The following SMAD2 variants were observed in gnomAD, a reference collection of about 807,000 sequenced individuals.
SMAD2 encodes MAD homolog 2.
In SMAD2, 8 loss-of-function variants were observed where a neutral mutation model predicts 64.4. The observed-to-expected ratio is 0.12, with a 90% CI of 0.07 to 0.22. The LOEUF is 0.22. SMAD2 is among the 10% of genes least tolerant of loss of function. The pLI, the probability that SMAD2 is intolerant of heterozygous loss-of-function variation, is 1.00. For synonymous variants in SMAD2, 203 were observed against 195.8 expected (o/e 1.04, Z -0.31); for missense variants, 289 against 561.2 (o/e 0.51, Z 4.90).
In SMAD2 at chr18:47,817,171, G is replaced by C. The variant is rs574884195; in HGVS notation, c.*24656C>G. On this transcript the variant is annotated 3_prime_UTR_variant, in exon 11 of 11. Transcript: ENST00000262160. ...TGTTCAGCAGTAGAACCTGAAGTAGGACACATTTCAGAGAGAAGTGGTGAT... is the reference window on the plus strand; with the variant it reads ...TGTTCAGCAGTAGAACCTGAAGTAGCACACATTTCAGAGAGAAGTGGTGAT... 6.8e-4 allele frequency: 103 copies of C among 152,320 alleles called. No individual in the cohort carries two copies. Among genetic ancestry groups the C allele is most frequent in the African/African-American group, 2.5e-3 (102 of 41,564 alleles). 9.4% of individuals were successfully genotyped at this position (152,320 alleles called of 1,614,324 possible).
intron 1 of SMAD2, among the ~76,000 whole-genome samples, chr18:47,905,354 C>T (rs1244085278): frequency 6.6e-6 from 1 of 151,932 alleles, no homozygotes; most frequent in Admixed American, 6.6e-5. Flanking sequence ...ATTCATATTG[C>T]TTAAATGTCC....
chr18:47,850,961 TA>T (rs779086567), intron 7 of SMAD2, among the ~76,000 whole-genome samples: 24 of 140,790 alleles, frequency 1.7e-4, no homozygotes, highest in Non-Finnish European at 3.5e-4. Context: ...TTTTATTAAT[TA>T]CATCATAAAA....
At chr18:47,881,713 G>A (rs1234323888) in intron 2 of SMAD2, among the ~76,000 whole-genome samples, 2 of 152,230 alleles carry the variant, frequency 1.3e-5, no homozygotes, top group South Asian at 2.1e-4. Context: ...AGCTGTTAGT[G>A]TTTCTTAAAT....
chr18:47,845,859 G>C, intron 8 of SMAD2, 59 bp from the exon 9 acceptor site: 1 of 1,503,058 alleles, frequency 6.7e-7, no homozygotes, highest in Non-Finnish European at 9.3e-7. Context: ...GTGTGACTTT[G>C]GAAGCATTTT....
intron 2 of SMAD2, among the ~76,000 whole-genome samples, chr18:47,883,510 CTT>C (rs1474333565): frequency 6.6e-6 from 1 of 152,158 alleles, no homozygotes; most frequent in African/African-American, 2.4e-5. Context: ...AATAATGTAA[CTT>C]AATAATGTAA....
intron 1 of SMAD2, among the ~76,000 whole-genome samples, chr18:47,906,353 G>GT (rs920562951): frequency 1.3e-5 from 2 of 152,136 alleles, no homozygotes; most frequent in African/African-American, 4.8e-5. Context: ...ATCTGTGTAT[G>GT]TAACATAAAC....
At chr18:47,924,742 C>G (rs1280440734) in intron 1 of SMAD2, among the ~76,000 whole-genome samples, 1 of 152,172 alleles carries the variant, frequency 6.6e-6, no homozygotes, top group African/African-American at 2.4e-5. Flanking sequence ...GGATTACAGG[C>G]GTGAGCCACT....
At chr18:47,920,851 CT>C (rs972867469) in intron 1 of SMAD2, among the ~76,000 whole-genome samples, 14 of 152,170 alleles carry the variant, frequency 9.2e-5, no homozygotes, top group Admixed American at 7.2e-4. Flanking sequence ...CAACAGAGGA[CT>C]GATGATATAT....
At position 47,833,687 on chromosome 18, in the gene SMAD2, A is replaced by C. The variant is rs1371908720; in HGVS notation, c.*8140T>G. 4 of 231,122 alleles carry C rather than the reference A, an allele frequency of 1.7e-5. No individual in the cohort carries two copies. The highest frequency in any genetic ancestry group is 3.4e-5 in the Non-Finnish European group (4 of 116,668). 14.3% of individuals were successfully genotyped at this position (231,122 alleles called of 1,614,324 possible). ...TGCTCAGTCTGCATCAGGACACCCA[A>C]TTCCTTCACTTGCCATTGGCTGATG... is the stretch of plus-strand genomic sequence containing the variant. On this transcript the variant is annotated 3_prime_UTR_variant, in exon 11 of 11. Coordinates refer to ENST00000262160, the MANE Select transcript of SMAD2 (RefSeq NM_005901.6).
chr18:47,883,311 T>A (rs974555316), intron 2 of SMAD2, among the ~76,000 whole-genome samples: 7 of 152,202 alleles, frequency 4.6e-5, no homozygotes, highest in Admixed American at 6.5e-5. Flanking sequence ...TCTTAACAGA[T>A]GTCTTATTGG....
At chr18:47,889,079 C>G (rs565652090) in intron 2 of SMAD2, among the ~76,000 whole-genome samples, 1 of 151,328 alleles carries the variant, frequency 6.6e-6, no homozygotes, top group East Asian at 1.9e-4. Flanking sequence ...AAAAGTAGAT[C>G]AACAGAAAAT....
chr18:47,864,487 T>A (rs937707965), intron 6 of SMAD2, among the ~76,000 whole-genome samples: 19 of 152,182 alleles, frequency 1.2e-4, no homozygotes, highest in Non-Finnish European at 2.6e-4. Context: ...TACAATGACA[T>A]CAAAGTGATT....
Position 47,924,077 on chromosome 18 carries a change from C to T in SMAD2, c.-54+6284G>A, listed in dbSNP as rs185245983. ...CAGCCTGACCAACATGGTGAAACCC[C>T]GTTTCTATTAAAAATACAAAATTAG... On this transcript the variant is annotated intron_variant, in intron 1 of 10. Transcript: ENST00000262160. Among the ~76,000 whole-genome samples the T allele has an allele frequency of 6.2e-3, 946 of 151,946 alleles. 3 individuals carry two copies. The highest frequency in any genetic ancestry group is 0.011 in the Admixed American group (166 of 15,260).
In SMAD2 at chr18:47,913,836, C is replaced by T. The variant is rs78031989; in HGVS notation, c.-54+16525G>A. Among the ~76,000 whole-genome samples the T allele has an allele frequency of 8.2e-3, 1,254 of 152,328 alleles. 7 individuals carry two copies. The highest frequency in any genetic ancestry group is 0.013 in the Non-Finnish European group (885 of 68,024). The stretch of plus-strand genomic sequence containing the variant: ...CTCTACTGAAATAAATTTTCAACAT[C>T]TGCAAGAATTGAAATCTAAGTTCAG... On this transcript the variant is annotated intron_variant, in intron 1 of 10. Coordinates refer to ENST00000262160, the MANE Select transcript of SMAD2 (RefSeq NM_005901.6).
rs1568012873 is a variant in SMAD2, at chr18:47,816,510, T to C, written c.*25317A>G. The C allele has an allele frequency of 6.6e-6, 1 of 152,228 alleles. No individual in the cohort carries two copies. The highest frequency in any genetic ancestry group is 1.9e-4 in the East Asian group (1 of 5,194). 9.4% of individuals were successfully genotyped at this position (152,228 alleles called of 1,614,324 possible). A position where few individuals can be genotyped will look rare whatever the true frequency, so the allele number is the denominator to read the frequency against. On this transcript the variant is annotated 3_prime_UTR_variant, in exon 11 of 11. Coordinates refer to ENST00000262160, the MANE Select transcript of SMAD2 (RefSeq NM_005901.6). ...CATTTAATACACGTCCAATATATTTTCTATGTACTGTGAAAGCTTTTGGGA... is the reference window on the plus strand; with the variant it reads ...CATTTAATACACGTCCAATATATTTCCTATGTACTGTGAAAGCTTTTGGGA...
chr18:47,898,440 A>T (rs1184313817), intron 1 of SMAD2, among the ~76,000 whole-genome samples: 1 of 152,246 alleles, frequency 6.6e-6, no homozygotes, highest in Admixed American at 6.5e-5. Context: ...AAACTGGATA[A>T]AACATTTTTA....
chr18:47,849,452 A>T (rs1347060536), intron 7 of SMAD2, among the ~76,000 whole-genome samples: 1 of 149,004 alleles, frequency 6.7e-6, no homozygotes, highest in Non-Finnish European at 1.5e-5. Context: ...GGGTAAAATG[A>T]GGGCAAAAAT....
In SMAD2 at chr18:47,835,256, A is replaced by C. The variant is rs1160262288; in HGVS notation, c.*6571T>G. 9.3e-6 allele frequency: 2 copies of C among 215,628 alleles called. No individual in the cohort carries two copies. The highest frequency in any genetic ancestry group is 5.8e-5 in the Admixed American group (1 of 17,184). 13.4% of individuals were successfully genotyped at this position (215,628 alleles called of 1,614,324 possible). On this transcript the variant is annotated 3_prime_UTR_variant, in exon 11 of 11. Coordinates refer to ENST00000262160, the MANE Select transcript of SMAD2 (RefSeq NM_005901.6). ...ACCAATTTGGGTTCTATATTTTGTC[A>C]AACAGTTGGGTTTTTAAAAAAATTC...
At chr18:47,925,796 T>C (rs2034738557) in intron 1 of SMAD2, among the ~76,000 whole-genome samples, 1 of 152,028 alleles carries the variant, frequency 6.6e-6, no homozygotes, top group Admixed American at 6.6e-5. Context: ...ATGGTGTAGA[T>C]GGTTTAAGAA....
Sources: allele counts gnomAD v4.1 joint callset (sites outside exome capture counted in the v4.1 genomes callset), GRCh38; gene constraint gnomAD v4.1.1; transcripts MANE v1.5; gene names NCBI Gene and HGNC (gene_info 2026-07-23, HGNC 2026-07-21).